CDH23: variants seen among roughly 807,000 people sequenced by gnomAD.
CDH23 encodes cadherin related 23, also known as cadherin-23.
CDH23 carries 189 observed loss-of-function variants against 317.1 expected under a neutral mutation model. The ratio of observed to expected loss-of-function variants is 0.60; its 90% CI spans 0.53 to 0.67. The LOEUF (loss-of-function observed/expected upper bound fraction) is 0.67. CDH23 is among the 30% of genes least tolerant of loss of function. The pLI, the probability that CDH23 is intolerant of heterozygous loss-of-function variation, is 0.00. For synonymous variants in CDH23, 1,839 were observed against 1,876.8 expected (o/e 0.98, Z 0.52); for missense variants, 4,401 against 4,592.4 (o/e 0.96, Z 1.20).
intron 17 of CDH23, among the ~76,000 whole-genome samples, chr10:71,679,859 G>C (rs7920800): frequency 6.6e-6 from 1 of 152,200 alleles, no homozygotes; most frequent in Non-Finnish European, 1.5e-5. Flanking sequence ...TTGGGCGGCC[G>C]TGTGGGACCA....
At chr10:71,523,527 G>A (rs150881440) in intron 6 of CDH23, among the ~76,000 whole-genome samples, 74 of 152,324 alleles carry the variant, frequency 4.9e-4, no homozygotes, top group African/African-American at 1.7e-3. Context: ...AATGCCTAAA[G>A]TGTGCTGGCG....
chr10:71,815,393 C>A lies in CDH23; in HGVS notation c.*115C>A. ...ACCCTCCAAGGCCAGGCCTTGGGGA[C>A]AACCTTGGCTTGGCCCTGGCAGCCC... On this transcript the variant is annotated 3_prime_UTR_variant, in exon 70 of 70. Coordinates refer to ENST00000224721, the MANE Select transcript of CDH23 (RefSeq NM_022124.6). The A allele has an allele frequency of 9.5e-7, 1 of 1,055,896 alleles. No individual in the cohort carries two copies. Among genetic ancestry groups the A allele is most frequent in the Non-Finnish European group, 1.3e-6 (1 of 754,872 alleles). 65.4% of individuals were successfully genotyped at this position (1,055,896 alleles called of 1,614,324 possible). A position where few individuals can be genotyped will look rare whatever the true frequency, so the allele number is the denominator to read the frequency against.
chr10:71,615,795 C>T (rs1861155406), intron 10 of CDH23, among the ~76,000 whole-genome samples, 179 bp downstream of exon 10: 1 of 152,196 alleles, frequency 6.6e-6, no homozygotes, highest in South Asian at 2.1e-4. Context: ...AGGAAGGCAC[C>T]CACGTTATGA....
chr10:71,414,930 T>C (rs1848474381), intron 1 of CDH23, among the ~76,000 whole-genome samples: 1 of 152,212 alleles, frequency 6.6e-6, no homozygotes, highest in Non-Finnish European at 1.5e-5. Context: ...GTTAGTACAT[T>C]GCATTTTTTA....
intron 6 of CDH23, among the ~76,000 whole-genome samples, chr10:71,524,738 G>A (rs545482863): frequency 9.2e-5 from 14 of 152,302 alleles, no homozygotes; most frequent in Admixed American, 2.6e-4. Context: ...GACAGTGGAT[G>A]CAGAGGTGAG....
At chr10:71,543,763 C>T (rs774828543) in intron 6 of CDH23, among the ~76,000 whole-genome samples, 21 of 152,212 alleles carry the variant, frequency 1.4e-4, no homozygotes, top group Non-Finnish European at 2.6e-4. Context: ...CCTCCCAGCA[C>T]CCTCTTACCA....
Position 71,732,016 on chromosome 10 carries a change from C to T in CDH23, c.3745C>T (p.Leu1249=), listed in dbSNP as rs779177692. The change falls in exon 32 of 70, where the codon CTG becomes TTG. Residue 1249 remains leucine (L), a synonymous_variant. Coordinates refer to ENST00000224721, the MANE Select transcript of CDH23 (RefSeq NM_022124.6). ...TGGTGGCCTGGTGAACTACCGCATC[C>T]TGTCGGGCGCAGAGGGGAAGTTTGA... is the stretch of plus-strand genomic sequence containing the variant. ...GDGGLVNYRI[L]SGAEGKFEID... The T allele has an allele frequency of 4.3e-6, 7 of 1,613,948 alleles. No homozygotes were observed. Among genetic ancestry groups the T allele is most frequent in the South Asian group, 1.1e-5 (1 of 91,074 alleles).
intron 20 of CDH23, among the ~76,000 whole-genome samples, chr10:71,690,889 T>C (rs1589338913): frequency 1.3e-5 from 2 of 152,332 alleles, no homozygotes; most frequent in East Asian, 3.9e-4. Flanking sequence ...AACACCTTTA[T>C]TAAAGCCTCA....
intron 38 of CDH23, chr10:71,755,277 T>G (rs1840103560): frequency 2.3e-6 from 3 of 1,279,858 alleles, no homozygotes; most frequent in Non-Finnish European, 3.3e-6. Flanking sequence ...CATCGTGCCT[T>G]TGCGAATCCC....
chr10:71,742,533 G>A (rs1343127886), intron 38 of CDH23, among the ~76,000 whole-genome samples: 1 of 152,242 alleles, frequency 6.6e-6, no homozygotes, highest in African/African-American at 2.4e-5. Context: ...AGGAGCTGAT[G>A]AGCTGTGTTG....
chr10:71,556,714 G>T (rs1208961709), intron 6 of CDH23, among the ~76,000 whole-genome samples: 1 of 152,120 alleles, frequency 6.6e-6, no homozygotes, highest in Non-Finnish European at 1.5e-5. Context: ...AAGTCAAATA[G>T]TACAGCTCAG....
intron 20 of CDH23, among the ~76,000 whole-genome samples, chr10:71,691,111 T>G (rs1165678539): frequency 2.6e-5 from 4 of 152,146 alleles, no homozygotes; most frequent in Non-Finnish European, 5.9e-5. Context: ...CTCTTTTGTT[T>G]ATTCACCTGT....
At chr10:71,446,474 G>A in intron 3 of CDH23, 79 bp downstream of exon 3, 2 of 1,390,896 alleles carry the variant, frequency 1.4e-6, no homozygotes, top group Non-Finnish European at 2.0e-6. Context: ...GGATCTTACA[G>A]GTTGAGGTCA....
At position 71,528,907 on chromosome 10, in the gene CDH23, C is replaced by G. The variant is rs200590799; in HGVS notation, c.429+17695C>G. On this transcript the variant is annotated intron_variant, in intron 6 of 69. Transcript: ENST00000224721. ...AGGGGGATGGGGCACTGCACTAAAA[C>G]CAGCAGAACAGGTTGTTTCCTGTGT... 7.2e-5 allele frequency among the ~76,000 whole-genome samples: 11 copies of G among 152,308 alleles called. No homozygotes were observed. In the East Asian group the frequency reaches 2.1e-3, roughly 29 times the overall value.
chr10:71,456,545 G>A lies in CDH23; in HGVS notation c.145+10150G>A, dbSNP rs549374171. 1.4e-5 allele frequency among the ~76,000 whole-genome samples: 2 copies of A among 142,716 alleles called. 1 individual carries two copies. The highest frequency in any genetic ancestry group is 6.1e-5 in the African/African-American group (2 of 32,614). The allele number at this position is 142,716 out of a possible 152,430, so 93.6% of individuals were successfully genotyped here. A position where few individuals can be genotyped will look rare whatever the true frequency, so the allele number is the denominator to read the frequency against. On this transcript the variant is annotated intron_variant, in intron 3 of 69. Transcript: ENST00000224721. ...CACACAGGTGTGGGTATGGGGCGGG[G>A]CTGGTGTTTTGGATGCGGCCATAAT...
chr10:71,427,195 G>GAGAAAGGAAGAAAGAA (rs1849122197), intron 1 of CDH23, among the ~76,000 whole-genome samples: 1 of 98,948 alleles, frequency 1.0e-5, no homozygotes, highest in East Asian at 3.1e-4. Flanking sequence ...AGGAAGGAAA[G>GAGAAAGGAAGAAAGAA]AGAAAGAAAG....
intron 11 of CDH23, among the ~76,000 whole-genome samples, chr10:71,621,934 G>A (rs1861483738): frequency 6.6e-6 from 1 of 152,186 alleles, no homozygotes; most frequent in Non-Finnish European, 1.5e-5. Context: ...GGAAGGAAAG[G>A]ACAGGGTGGG....
At chr10:71,476,963 G>C (rs1851824337) in intron 3 of CDH23, among the ~76,000 whole-genome samples, 1 of 152,128 alleles carries the variant, frequency 6.6e-6, no homozygotes, top group Non-Finnish European at 1.5e-5. Flanking sequence ...AGATCCCAGA[G>C]GGAGCCACTC....
intron 46 of CDH23, chr10:71,790,628 C>T (rs1376016338): frequency 4.9e-6 from 3 of 614,694 alleles, no homozygotes; most frequent in African/African-American, 3.7e-5. Flanking sequence ...ATACACAGGA[C>T]CTCTGTTGGT....
Sources: gnomAD v4.1 joint callset for allele counts (sites outside exome capture counted in the v4.1 genomes callset) on GRCh38, gnomAD v4.1.1 for gene constraint, MANE v1.5 for transcripts, NCBI Gene and HGNC (gene_info 2026-07-23, HGNC 2026-07-21) for gene names.